The following MBOAT2 variants were observed in gnomAD, a reference collection of about 807,000 sequenced individuals.
The protein encoded by MBOAT2 is membrane bound glycerophospholipid O-acyltransferase 2.
A neutral mutation model predicts 63.4 loss-of-function variants in MBOAT2; 28 were observed. The ratio of observed to expected loss-of-function variants is 0.44; its 90% CI spans 0.33 to 0.61. The LOEUF is 0.61. Ranked by LOEUF, MBOAT2 falls within the 20% of genes least tolerant of loss-of-function variation. The pLI is 0.03. For missense variants in MBOAT2, 470 were observed against 605.8 expected, an observed-to-expected ratio of 0.78 and a Z score of 2.35; for synonymous variants, 211 against 215.6, an observed-to-expected ratio of 0.98 and a Z score of 0.19.
At chr2:8,875,626 G>A (rs1412887038) in intron 7 of MBOAT2, among the ~76,000 whole-genome samples, 1 of 152,228 alleles carries the variant, frequency 6.6e-6, no homozygotes, top group Non-Finnish European at 1.5e-5. Flanking sequence ...GTCACTGACA[G>A]TCCAGCATCT....
intron 2 of MBOAT2, among the ~76,000 whole-genome samples, chr2:8,945,575 T>C (rs1182250140): frequency 6.6e-6 from 1 of 152,218 alleles, no homozygotes; most frequent in Non-Finnish European, 1.5e-5. Flanking sequence ...ATCATCTATC[T>C]AGTCAGTATA....
chr2:8,930,016 G>A (rs1667206898), intron 3 of MBOAT2, among the ~76,000 whole-genome samples: 1 of 152,166 alleles, frequency 6.6e-6, no homozygotes, highest in South Asian at 2.1e-4. Context: ...TAAAAGGAAT[G>A]TTAAAAGCCC....
intron 6 of MBOAT2, among the ~76,000 whole-genome samples, chr2:8,880,198 C>G (rs1235629019): frequency 6.6e-6 from 1 of 151,872 alleles, no homozygotes; most frequent in East Asian, 1.9e-4. Flanking sequence ...AGGAAAGCTA[C>G]CACAGCAGAC....
rs947463282 is a variant in MBOAT2 at position 8,858,418 on chromosome 2, A to G, written c.*261T>C. ...CATTCAGCAACAGGGCACGCGTGTG[A>G]CCCTACGGACAAGTGCTGAGGTTGG... On this transcript the variant is annotated 3_prime_UTR_variant, in exon 13 of 13. Coordinates refer to ENST00000305997, the MANE Select transcript of MBOAT2 (RefSeq NM_138799.4). 7.8e-6 allele frequency: 3 copies of G among 385,268 alleles called. No individual in the cohort carries two copies. The highest frequency in any genetic ancestry group is 1.4e-5 in the Non-Finnish European group (3 of 214,316). 23.9% of individuals were successfully genotyped at this position (385,268 alleles called of 1,614,324 possible).
At chr2:8,899,963 G>A (rs988542613) in intron 4 of MBOAT2, among the ~76,000 whole-genome samples, 2 of 152,176 alleles carry the variant, frequency 1.3e-5, no homozygotes, top group African/African-American at 2.4e-5. Flanking sequence ...GGCTGATTGG[G>A]TAATAAACTT....
chr2:8,967,279 G>A (rs1040600834), intron 1 of MBOAT2, among the ~76,000 whole-genome samples: 7 of 152,182 alleles, frequency 4.6e-5, no homozygotes, highest in Non-Finnish European at 8.8e-5. Context: ...TTTGCCCAGG[G>A]TGGTTACACA....
At chr2:8,942,109 T>C (rs985591587) in intron 3 of MBOAT2, among the ~76,000 whole-genome samples, 1 of 152,154 alleles carries the variant, frequency 6.6e-6, no homozygotes, top group Non-Finnish European at 1.5e-5. Flanking sequence ...CATCAGGAAC[T>C]TGTAAGGGTT....
chr2:8,934,951 C>T lies in MBOAT2; in HGVS notation c.299+8236G>A, dbSNP rs536322762. Among the ~76,000 whole-genome samples, 17 of 152,300 alleles carry T rather than the reference C, an allele frequency of 1.1e-4. No homozygotes were observed. In the South Asian group the frequency reaches 3.3e-3, roughly 30 times the overall value. ...GTTGAGGCAGTTCCTGATGACATTT[C>T]TATCTAGGAAGCCACTGTAGGAGTG... On this transcript the variant is annotated intron_variant, in intron 3 of 12. Transcript: ENST00000305997.
chr2:8,989,075 T>C (rs999591395), intron 1 of MBOAT2, among the ~76,000 whole-genome samples: 5 of 152,066 alleles, frequency 3.3e-5, no homozygotes, highest in African/African-American at 1.2e-4. Flanking sequence ...TTTTCAGGAG[T>C]TGAAGACAAA....
chr2:8,933,014 T>C (rs1573090027), intron 3 of MBOAT2, among the ~76,000 whole-genome samples: 1 of 152,220 alleles, frequency 6.6e-6, no homozygotes, highest in Admixed American at 6.5e-5. Context: ...CTTTCACTCA[T>C]GCTTCTTTTC....
At chr2:8,982,953 T>A (rs931635123) in intron 1 of MBOAT2, among the ~76,000 whole-genome samples, 6 of 152,160 alleles carry the variant, frequency 3.9e-5, no homozygotes, top group Non-Finnish European at 5.9e-5. Flanking sequence ...TGTATCACAC[T>A]GTTTTGAATA....
chr2:8,963,149 G>T (rs1669733171), intron 1 of MBOAT2, among the ~76,000 whole-genome samples: 1 of 151,564 alleles, frequency 6.6e-6, no homozygotes, highest in Non-Finnish European at 1.5e-5. Flanking sequence ...GAGGTGGAAG[G>T]ATTGCTTGAG....
At chr2:8,912,251 A>C (rs984970636) in intron 3 of MBOAT2, among the ~76,000 whole-genome samples, 2 of 151,096 alleles carry the variant, frequency 1.3e-5, no homozygotes, top group Admixed American at 1.3e-4. Context: ...ATCAATAAGA[A>C]AGACAGACAG....
At chr2:8,934,191 C>A (rs920699512) in intron 3 of MBOAT2, among the ~76,000 whole-genome samples, 5 of 152,152 alleles carry the variant, frequency 3.3e-5, no homozygotes, top group African/African-American at 9.7e-5. Context: ...AAAAGGCAAC[C>A]ACATTCTTTT....
rs1393020715 is a variant in MBOAT2 at position 8,857,363 on chromosome 2, C to G, written c.*1316G>C. ...TTCTGCTTTCAGCTCCTGTGGCCAC[C>G]ACAGTCCTCTGTGGGATCGCAGGAG... is the stretch of plus-strand genomic sequence containing the variant. On this transcript the variant is annotated 3_prime_UTR_variant, in exon 13 of 13. Transcript: ENST00000305997. 6.6e-6 allele frequency: 1 copy of G among 152,596 alleles called. No individual in the cohort carries two copies. Among genetic ancestry groups the G allele is most frequent in the Non-Finnish European group, 1.5e-5 (1 of 68,048 alleles). The allele number at this position is 152,596 out of a possible 1,614,324, so 9.5% of individuals were successfully genotyped here.
At position 8,954,841 on chromosome 2, in the gene MBOAT2, C is replaced by T. The variant is rs370537411; in HGVS notation, c.221+3656G>A. On this transcript the variant is annotated intron_variant, in intron 2 of 12. Coordinates refer to ENST00000305997, the MANE Select transcript of MBOAT2 (RefSeq NM_138799.4). ...CTGCTGGTCCAGGCAAACAGGTGCT[C>T]CAAATGTCTGGATTTCTGCCTGGGA... Among the ~76,000 whole-genome samples the T allele has an allele frequency of 3.5e-4, 53 of 152,288 alleles. 1 individual carries two copies. The highest frequency in any genetic ancestry group is 1.3e-3 in the African/African-American group (53 of 41,564).
intron 4 of MBOAT2, among the ~76,000 whole-genome samples, chr2:8,905,114 T>C (rs1665235367): frequency 6.6e-6 from 1 of 152,204 alleles, no homozygotes; most frequent in Non-Finnish European, 1.5e-5. Context: ...TCTTGCACTT[T>C]CTAGCATCAG....
chr2:8,872,895 T>C (rs1439892216), intron 8 of MBOAT2, among the ~76,000 whole-genome samples: 1 of 152,236 alleles, frequency 6.6e-6, no homozygotes, highest in Non-Finnish European at 1.5e-5. Context: ...CTTTCATTGA[T>C]CCATGTATTT....
intron 4 of MBOAT2, among the ~76,000 whole-genome samples, chr2:8,888,546 G>A (rs1298286736): frequency 6.6e-6 from 1 of 152,020 alleles, no homozygotes; most frequent in Non-Finnish European, 1.5e-5. Flanking sequence ...CTAAGGCACT[G>A]AAATCATGAT....
Sources: gnomAD v4.1 joint callset for allele counts (sites outside exome capture counted in the v4.1 genomes callset) on GRCh38, gnomAD v4.1.1 for gene constraint, MANE v1.5 for transcripts, NCBI Gene and HGNC (gene_info 2026-07-23, HGNC 2026-07-21) for gene names.